ANK2: variants seen among roughly 807,000 people sequenced by gnomAD.
ANK2 encodes the protein ankyrin 2, also known as ankyrin-2.
ANK2 carries 83 observed loss-of-function variants against 360.5 expected under a neutral mutation model. The observed-to-expected ratio is 0.23, with a 90% CI of 0.19 to 0.28. ANK2 has a LOEUF of 0.28. Among genes scored for constraint, ANK2 ranks in the 10% least tolerant of loss-of-function variants. The pLI is 1.00. For synonymous variants in ANK2, 1,740 were observed against 1,759.5 expected, an observed-to-expected ratio of 0.99 and a Z score of 0.28; for missense variants, 4,201 against 4,795.7, an observed-to-expected ratio of 0.88 and a Z score of 3.66.
At chr4:112,767,661 G>A in the ANK2 span, among the ~76,000 whole-genome samples, 2 of 152,074 alleles carry the variant, frequency 1.3e-5, no homozygotes, top group African/African-American at 4.8e-5. Context: ...AAAGTGAATG[G>A]GCAGCAGGAA....
chr4:112,884,238 A>G (rs1317271250), intron 1 of ANK2, among the ~76,000 whole-genome samples: 2 of 152,122 alleles, frequency 1.3e-5, no homozygotes, highest in East Asian at 1.9e-4. Context: ...AAATTATTCT[A>G]CTTTTTGGCC....
chr4:113,333,285 G>T lies in ANK2; in HGVS notation c.3379+77G>T. The T allele has an allele frequency of 3.3e-6, 5 of 1,512,866 alleles. No individual in the cohort carries two copies. The South Asian group carries it at 4.5e-5, about 14-fold the overall frequency. 93.7% of individuals were successfully genotyped at this position (1,512,866 alleles called of 1,614,324 possible). On this transcript the variant is annotated intron_variant, in intron 29 of 45. Transcript: ENST00000357077. ...TGATTCATTTCTTTCTTATGACCTA[G>T]GGGTGTGTGTATATGTGTGTGTGTG... is the stretch of plus-strand genomic sequence containing the variant.
At chr4:113,315,727 T>C (rs572119507) in intron 24 of ANK2, among the ~76,000 whole-genome samples, 14 of 151,700 alleles carry the variant, frequency 9.2e-5, no homozygotes, top group African/African-American at 3.2e-4. Flanking sequence ...TGAAACCCTG[T>C]CTCTACTAAA....
At chr4:113,193,721 G>A (rs559008099) in intron 2 of ANK2, among the ~76,000 whole-genome samples, 5 of 152,304 alleles carry the variant, frequency 3.3e-5, no homozygotes, top group African/African-American at 1.2e-4. Context: ...TCCATTCAGA[G>A]TGGTGGTGAG....
chr4:113,228,473 A>G (rs2099251782), intron 4 of ANK2, among the ~76,000 whole-genome samples: 1 of 152,096 alleles, frequency 6.6e-6, no homozygotes, highest in Non-Finnish European at 1.5e-5. Context: ...ACTTATAATA[A>G]TGGTCTCCAA....
chr4:113,224,628 G>T (rs1199382774), intron 4 of ANK2, among the ~76,000 whole-genome samples: 2 of 152,100 alleles, frequency 1.3e-5, no homozygotes, highest in Non-Finnish European at 2.9e-5. Context: ...AATAAGCTTA[G>T]CAATGTAACA....
chr4:113,032,668 G>A (rs2060668965), intron 2 of ANK2, among the ~76,000 whole-genome samples: 1 of 152,058 alleles, frequency 6.6e-6, no homozygotes, highest in African/African-American at 2.4e-5. Flanking sequence ...TGATACCAGT[G>A]AAAGATTTAA....
At chr4:112,775,515 T>TCGCACACACACACACACACA in the ANK2 span, among the ~76,000 whole-genome samples, 1 of 118,066 alleles carries the variant, frequency 8.5e-6, no homozygotes, top group Non-Finnish European at 1.8e-5. Context: ...CTAAGCTCCA[T>TCGCACACACACACACACACA]CACACACACA....
Position 113,358,049 on chromosome 4 carries a change from C to T in ANK2, c.9431C>T (p.Ser3144Phe). The T allele has an allele frequency of 6.2e-7, 1 of 1,614,030 alleles. No homozygotes were observed. The highest frequency in any genetic ancestry group is 8.5e-7 in the Non-Finnish European group (1 of 1,179,952). ...IGQESREETL[S>F]EDVKEGATGA... ...CAAGAATCCAGGGAAGAGACTCTCTCTGAAGATGTGAAAGAAGGGGCTACT... is the reference window on the plus strand; with the variant it reads ...CAAGAATCCAGGGAAGAGACTCTCTTTGAAGATGTGAAAGAAGGGGCTACT... The change falls in exon 38 of 46, where the codon TCT becomes TTT. Residue 3144 changes from serine to phenylalanine, a missense_variant. Ser to Phe is a radical substitution (Grantham distance 155). Around this residue, in one of 4 missense-constraint regions of ANK2, gnomAD observed 2,642 missense variants for 2,714.5 expected, o/e 0.97. Transcript: ENST00000357077.
At chr4:113,327,443 G>T (rs1033929712) in intron 26 of ANK2, among the ~76,000 whole-genome samples, 6 of 152,154 alleles carry the variant, frequency 3.9e-5, no homozygotes, top group African/African-American at 1.4e-4. Flanking sequence ...TGCTCTGATT[G>T]TCCAGAGACT....
At chr4:113,217,389 A>ACTGTATATATATCTATATAT (rs1330764701) in intron 4 of ANK2, among the ~76,000 whole-genome samples, 2 of 152,180 alleles carry the variant, frequency 1.3e-5, no homozygotes, top group Non-Finnish European at 2.9e-5. Flanking sequence ...TATATATTTT[A>ACTGTATATATATCTATATAT]ACCATATATA....
chr4:113,117,450 C>G (rs1161734820), intron 1 of ANK2: 1 of 455,868 alleles, frequency 2.2e-6, no homozygotes, highest in African/African-American at 2.0e-5. Flanking sequence ...CCCTCTTTCT[C>G]TGCAGCTCTG....
chr4:112,921,305 G>A (rs568710251), intron 2 of ANK2, among the ~76,000 whole-genome samples: 86 of 151,220 alleles, frequency 5.7e-4, no homozygotes, highest in Middle Eastern at 6.9e-3. Flanking sequence ...GATTACAGGC[G>A]TGAGCCACTG....
At chr4:112,712,687 A>T in the ANK2 span, among the ~76,000 whole-genome samples, 4 of 152,000 alleles carry the variant, frequency 2.6e-5, no homozygotes, top group South Asian at 2.1e-4. Flanking sequence ...GATTACAGGC[A>T]TGAGCCACTG....
At chr4:113,352,960 G>T in intron 37 of ANK2, 85 bp from the exon 38 acceptor site, 1 of 1,472,830 alleles carries the variant, frequency 6.8e-7, no homozygotes, top group Non-Finnish European at 9.3e-7. Flanking sequence ...AGGAAAAGAC[G>T]CTGTGTCGTT....
chr4:113,277,640 T>C (rs1303448525), intron 15 of ANK2, among the ~76,000 whole-genome samples, 197 bp from the exon 16 acceptor site: 1 of 152,250 alleles, frequency 6.6e-6, no homozygotes, highest in African/African-American at 2.4e-5. Context: ...TTTTATTCAG[T>C]CTATCAAGCC....
chr4:113,318,923 T>C (rs548303155), intron 26 of ANK2, among the ~76,000 whole-genome samples: 34 of 152,350 alleles, frequency 2.2e-4, no homozygotes, highest in Non-Finnish European at 4.0e-4. Flanking sequence ...ATTCACGTAC[T>C]GTCTTTAAGA....
At position 113,320,713 on chromosome 4, in the gene ANK2, T is replaced by G. The variant is rs115178952; in HGVS notation, c.2900+2093T>G. Among the ~76,000 whole-genome samples, 1,057 of 152,080 alleles carry G rather than the reference T, an allele frequency of 7.0e-3. 17 individuals carry two copies. Among genetic ancestry groups the G allele is most frequent in the African/African-American group, 0.024 (1,014 of 41,494 alleles). On this transcript the variant is annotated intron_variant, in intron 26 of 45. Coordinates refer to ENST00000357077, the MANE Select transcript of ANK2 (RefSeq NM_001148.6). ...GTGCCCAGGCCTCAACCCAGACCAATTATTTGGAGGCCTGGCATTGATACT... is the reference window on the plus strand; with the variant it reads ...GTGCCCAGGCCTCAACCCAGACCAAGTATTTGGAGGCCTGGCATTGATACT...
At chr4:112,894,911 T>C (rs1007661870) in intron 1 of ANK2, among the ~76,000 whole-genome samples, 2 of 152,220 alleles carry the variant, frequency 1.3e-5, no homozygotes, top group African/African-American at 4.8e-5. Flanking sequence ...TATTTCTTTT[T>C]TTCCCCCACA....
Sources: allele counts gnomAD v4.1 joint callset (sites outside exome capture counted in the v4.1 genomes callset), GRCh38; gene constraint gnomAD v4.1.1; regional missense constraint gnomAD v4.1.1; transcripts MANE v1.5; gene names NCBI Gene and HGNC (gene_info 2026-07-23, HGNC 2026-07-21).